The following NRAP variants were observed in gnomAD, a reference collection of about 807,000 sequenced individuals.
NRAP encodes nebulin-related-anchoring protein.
NRAP carries 189 observed loss-of-function variants against 225.9 expected under a neutral mutation model. That is an observed-to-expected ratio of 0.84 (90% CI 0.74 to 0.94). The LOEUF is 0.94. Ranked by LOEUF, NRAP falls within the 40% of genes least tolerant of loss-of-function variation. NRAP has a pLI of 0.00. For synonymous variants in NRAP, 769 were observed against 790.7 expected (o/e 0.97, Z 0.46); for missense variants, 2,176 against 2,168.7 (o/e 1.00, Z -0.07).
At chr10:113,656,042 T>C (rs916068452) in intron 4 of NRAP, among the ~76,000 whole-genome samples, 1 of 132,348 alleles carries the variant, frequency 7.6e-6, no homozygotes, top group African/African-American at 3.2e-5. Flanking sequence ...AGGTCGAACA[T>C]GTCTCATTAT....
chr10:113,589,805 G>GTA lies in NRAP; in HGVS notation c.4957-10_4957-9dup. 6.2e-7 allele frequency: 1 copy of GTA among 1,612,646 alleles called. No individual in the cohort carries two copies. On this transcript the variant is annotated splice_polypyrimidine_tract_variant and intron_variant, in intron 40 of 41. Transcript: ENST00000359988. ...GTCTGATTTATACTTGACCTTGAGG[G>GTA]TAAGAGGGAAGCAAGAGGAATATGT... is the stretch of plus-strand genomic sequence containing the variant.
At chr10:113,663,176 G>A (rs1850796587) in intron 2 of NRAP, among the ~76,000 whole-genome samples, 176 bp downstream of exon 2, 1 of 152,196 alleles carries the variant, frequency 6.6e-6, no homozygotes, top group South Asian at 2.1e-4. Context: ...GAAGTTTTGT[G>A]TCCATTGCAT....
At chr10:113,643,402 T>C (rs1349411898) in intron 11 of NRAP, among the ~76,000 whole-genome samples, 3 of 152,224 alleles carry the variant, frequency 2.0e-5, no homozygotes, top group South Asian at 2.1e-4. Context: ...CTTAGGAGGA[T>C]GTCTGGTCGT....
At chr10:113,648,351 T>A (rs1306218543) in intron 9 of NRAP, among the ~76,000 whole-genome samples, 1 of 152,054 alleles carries the variant, frequency 6.6e-6, no homozygotes, top group Non-Finnish European at 1.5e-5. Context: ...TAAGTTTTTT[T>A]AAAAGGTTCT....
intron 3 of NRAP, among the ~76,000 whole-genome samples, chr10:113,660,529 C>T (rs551125667): frequency 1.3e-5 from 2 of 152,136 alleles, no homozygotes; most frequent in African/African-American, 4.8e-5. Flanking sequence ...GCCTGTCATA[C>T]ACAGTTAAAA....
chr10:113,612,838 T>C (rs573564081), intron 29 of NRAP, among the ~76,000 whole-genome samples: 13 of 152,302 alleles, frequency 8.5e-5, no homozygotes, highest in African/African-American at 2.6e-4. Context: ...GGGATTCTCC[T>C]CTCACACTAG....
At chr10:113,610,167 T>G (rs1157860516) in intron 31 of NRAP, among the ~76,000 whole-genome samples, 9 of 151,914 alleles carry the variant, frequency 5.9e-5, no homozygotes. Context: ...CTGGCCAACA[T>G]GGTGAAACCC....
intron 27 of NRAP, 56 bp downstream of exon 27, chr10:113,615,656 C>T (rs1847610444): frequency 2.1e-6 from 2 of 949,320 alleles, no homozygotes; most frequent in African/African-American, 1.6e-5. Context: ...TGTGCCTGCC[C>T]ATGACCAGCC....
At chr10:113,619,659 T>A (rs1423343644) in intron 25 of NRAP, among the ~76,000 whole-genome samples, 1 of 148,264 alleles carries the variant, frequency 6.7e-6, no homozygotes, top group Non-Finnish European at 1.5e-5. Flanking sequence ...TTGCCAAAGC[T>A]AACAACCTGT....
intron 38 of NRAP, among the ~76,000 whole-genome samples, chr10:113,594,899 C>T (rs1005736301): frequency 2.0e-5 from 3 of 152,352 alleles, no homozygotes; most frequent in Non-Finnish European, 1.5e-5. Context: ...GGAGGCCCTA[C>T]GCTGCCCCAG....
Position 113,589,551 on chromosome 10 carries a change from C to T in NRAP, c.5088+115G>A, listed in dbSNP as rs1350557570. ...GGCGCCTTGTTTGAGCTGCGTTTCACACTTCTTTAGAGCTAGCTGACCTTT... is the reference window on the plus strand; with the variant it reads ...GGCGCCTTGTTTGAGCTGCGTTTCATACTTCTTTAGAGCTAGCTGACCTTT... On this transcript the variant is annotated intron_variant, in intron 41 of 41. Coordinates refer to ENST00000359988, the MANE Select transcript of NRAP (RefSeq NM_198060.4). 8 of 1,296,740 alleles carry T rather than the reference C, an allele frequency of 6.2e-6. No individual in the cohort carries two copies. The Admixed American group carries it at 6.6e-5, about 11-fold the overall frequency. The allele number at this position is 1,296,740 out of a possible 1,614,324, so 80.3% of individuals were successfully genotyped here. A position where few individuals can be genotyped will look rare whatever the true frequency, so the allele number is the denominator to read the frequency against.
At chr10:113,618,391 A>C (rs1306763674) in intron 25 of NRAP, among the ~76,000 whole-genome samples, 1 of 152,250 alleles carries the variant, frequency 6.6e-6, no homozygotes, top group Non-Finnish European at 1.5e-5. Context: ...AAGACAACAC[A>C]AATCAATAGC....
At chr10:113,614,805 G>T in intron 28 of NRAP, 34 bp downstream of exon 28, 1 of 1,299,986 alleles carries the variant, frequency 7.7e-7, no homozygotes. Flanking sequence ...GGTTAGTGTT[G>T]AACATTGTCA....
At chr10:113,599,119 A>T (rs1222278729) in intron 35 of NRAP, among the ~76,000 whole-genome samples, 1 of 152,250 alleles carries the variant, frequency 6.6e-6, no homozygotes. Context: ...TCTAATTTAG[A>T]TATAAGCTCT....
At chr10:113,657,329 T>C in intron 4 of NRAP, 141 bp downstream of exon 4, 1 of 605,614 alleles carries the variant, frequency 1.7e-6, no homozygotes, top group Admixed American at 2.9e-5. Context: ...CTGATTGAGG[T>C]CTTCCATAGA....
At chr10:113,652,115 C>A (rs1850013811) in intron 6 of NRAP, among the ~76,000 whole-genome samples, 1 of 152,186 alleles carries the variant, frequency 6.6e-6, no homozygotes, top group Non-Finnish European at 1.5e-5. Flanking sequence ...CTGCCACACT[C>A]CAACAAATAT....
intron 9 of NRAP, among the ~76,000 whole-genome samples, chr10:113,648,481 A>C (rs1158600085): frequency 2.1e-5 from 3 of 141,488 alleles, no homozygotes; most frequent in African/African-American, 7.8e-5. Flanking sequence ...ATATATATAT[A>C]TATATATATG....
chr10:113,656,741 G>T (rs1850330487), intron 4 of NRAP, among the ~76,000 whole-genome samples: 1 of 152,186 alleles, frequency 6.6e-6, no homozygotes, highest in Non-Finnish European at 1.5e-5. Context: ...ATGGTAGCAT[G>T]TCCAAATGTA....
At chr10:113,604,974 T>C in intron 34 of NRAP, 54 bp from the exon 35 acceptor site, 16 of 1,551,572 alleles carry the variant, frequency 1.0e-5, no homozygotes, top group South Asian at 9.9e-5. Context: ...CATTGCAGAC[T>C]CTAGAAAAAT....
Sources: allele counts gnomAD v4.1 joint callset (sites outside exome capture counted in the v4.1 genomes callset), GRCh38; gene constraint gnomAD v4.1.1; transcripts MANE v1.5; gene names NCBI Gene and HGNC (gene_info 2026-07-23, HGNC 2026-07-21).